The following TTLL8 variants were observed in gnomAD, a reference collection of about 807,000 sequenced individuals.
TTLL8 encodes the protein protein monoglycylase TTLL8.
A neutral mutation model predicts 77.8 loss-of-function variants in TTLL8; 65 were observed. The ratio of observed to expected loss-of-function variants is 0.84; its 90% CI spans 0.68 to 1.03. The LOEUF (loss-of-function observed/expected upper bound fraction) is 1.03. TTLL8 is among the 50% of genes least tolerant of loss of function. The probability of loss-of-function intolerance (pLI) is 0.00; values close to 1 mark genes in which losing one functional copy is unlikely to be tolerated. For synonymous variants in TTLL8, 402 were observed against 422.8 expected (o/e 0.95, Z 0.60); for missense variants, 910 against 1,004.5 (o/e 0.91, Z 1.27).
rs1452471993 is a variant in TTLL8, at chr22:50,034,543, G to A, written c.922-81C>T. On this transcript the variant is annotated intron_variant, in intron 8 of 13. Coordinates refer to ENST00000266182, the Ensembl canonical transcript of TTLL8. This position sits in a 1 kb window ranked among gnomAD's most constrained non-coding sequence, Gnocchi z 4.1. ...ATCCAGAAAGTGCATGAGACTTGGA[G>A]GCCTGGGCCCCGCCTCACCCACCAA... The A allele has an allele frequency of 2.3e-6, 3 of 1,282,788 alleles. No homozygotes were observed. The highest frequency in any genetic ancestry group is 5.3e-5 in the East Asian group (1 of 18,852). 79.5% of individuals were successfully genotyped at this position (1,282,788 alleles called of 1,614,324 possible).
intron 11 of TTLL8, among the ~76,000 whole-genome samples, chr22:50,031,270 G>T (rs1292564828): frequency 4.6e-5 from 7 of 152,226 alleles, no homozygotes; most frequent in Admixed American, 6.5e-5. Flanking sequence ...AGGGAGGCCC[G>T]CGAAAGATCC....
chr22:50,056,693 C>T (rs1309399789), upstream of TTLL8: 1 of 948,214 alleles, frequency 1.1e-6, no homozygotes, highest in African/African-American at 1.8e-5. This position sits in a 1 kb window ranked among gnomAD's most constrained non-coding sequence, Gnocchi z 4.1. Context: ...CGCCCCCCAA[C>T]ACCCCTGGGG....
chr22:50,045,339 G>T, exon 6 of TTLL8: 1 of 1,365,958 alleles, frequency 7.3e-7, no homozygotes, highest in Non-Finnish European at 9.8e-7. Context: ...CAGCTCTGGT[G>T]GCTGACCACC....
chr22:50,034,613 A>G lies in TTLL8; in HGVS notation c.922-151T>C, dbSNP rs1324458362. 7 of 774,754 alleles carry G rather than the reference A, an allele frequency of 9.0e-6. No individual in the cohort carries two copies. The African/African-American group carries it at 1.3e-4, about 14-fold the overall frequency. The allele number at this position is 774,754 out of a possible 1,614,324, so 48.0% of individuals were successfully genotyped here. ...ATGGTCTGGGGCTGGCCTGGCGGGA[A>G]AGGGCTGCGGGTCGGCCCAGGAAGT... On this transcript the variant is annotated intron_variant, in intron 8 of 13. Coordinates refer to ENST00000266182, the Ensembl canonical transcript of TTLL8. This position sits in a 1 kb window ranked among gnomAD's most constrained non-coding sequence, Gnocchi z 4.1.
In TTLL8 at chr22:50,049,183, G is replaced by A. The variant is rs964005337; in HGVS notation, c.264+66C>T. 3 of 1,364,042 alleles carry A rather than the reference G, an allele frequency of 2.2e-6. No homozygotes were observed. In the African/African-American group the frequency reaches 4.4e-5, roughly 20 times the overall value. The allele number at this position is 1,364,042 out of a possible 1,614,324, so 84.5% of individuals were successfully genotyped here. A position where few individuals can be genotyped will look rare whatever the true frequency, so the allele number is the denominator to read the frequency against. On this transcript the variant is annotated intron_variant, in intron 3 of 13. Transcript: ENST00000266182. ...CAGGACATGGGAGAGTGGGCACGGA[G>A]CAGGGCGACGGTGTGAGAAGCTTTG...
At chr22:50,030,130 CCACACCCCAG>C in intron 12 of TTLL8, 1 of 972,452 alleles carries the variant, frequency 1.0e-6, no homozygotes, top group Non-Finnish European at 1.2e-6. Context: ...CCGACCCGCG[CCACACCCCAG>C]AGGTATGGGG....
exon 12 of TTLL8, chr22:50,030,548 G>C (rs201070847): frequency 3.8e-6 from 5 of 1,319,934 alleles, no homozygotes; most frequent in African/African-American, 1.5e-5. Flanking sequence ...GCTGGGCTAC[G>C]GGGACACCGG....
At chr22:50,057,157 A>C (rs1479067116), upstream of TTLL8, among the ~76,000 whole-genome samples, 1 of 77,330 alleles carries the variant, frequency 1.3e-5, no homozygotes, top group Non-Finnish European at 2.5e-5. Context: ...AGTTGGGGTC[A>C]GGTCTGGGGA....
intron 12 of TTLL8, among the ~76,000 whole-genome samples, chr22:50,024,304 T>C (rs1347121618): frequency 2.0e-5 from 3 of 150,756 alleles, no homozygotes; most frequent in East Asian, 2.0e-4. Flanking sequence ...GCCTGGCTAT[T>C]TTTTTTTTAG....
rs1171063067 is a variant in TTLL8 at position 50,044,810 on chromosome 22, T to C, written c.643+445A>G. ...CCAACAACCACAAAAAAGATTTGGG[T>C]TTTGTCCAAAAACACGACGGCTGGT... On this transcript the variant is annotated intron_variant, in intron 6 of 13. Transcript: ENST00000266182. The surrounding 1 kb of genome is among the most constrained non-coding windows in gnomAD (Gnocchi z 4.2). Among the ~76,000 whole-genome samples the C allele has an allele frequency of 6.6e-6, 1 of 152,012 alleles. No homozygotes were observed. The highest frequency in any genetic ancestry group is 2.4e-5 in the African/African-American group (1 of 41,374).
rs1410333456 is a variant in TTLL8 at position 50,021,551 on chromosome 22, C to G, written c.2204-4989G>C. Among the ~76,000 whole-genome samples, 153 of 136,650 alleles carry G rather than the reference C, an allele frequency of 1.1e-3. 2 individuals are homozygous for G. The Middle Eastern group carries it at 0.015, about 14-fold the overall frequency. The allele number at this position is 136,650 out of a possible 152,430, so 89.6% of individuals were successfully genotyped here. A position where few individuals can be genotyped will look rare whatever the true frequency, so the allele number is the denominator to read the frequency against. ...CGTGCACTCCTCCATCTGATGTGCA[C>G]TCCTCCATCTGATGATGTGTACTCC... On this transcript the variant is annotated intron_variant, in intron 12 of 13. Coordinates refer to ENST00000266182, the Ensembl canonical transcript of TTLL8.
chr22:50,023,788 AG>A (rs2061217463), intron 12 of TTLL8, among the ~76,000 whole-genome samples: 1 of 152,244 alleles, frequency 6.6e-6, no homozygotes, highest in Admixed American at 6.5e-5. Flanking sequence ...TGGGAGGCCG[AG>A]GTGGGCAGAT....
At chr22:50,024,500 G>A (rs1462595581) in intron 12 of TTLL8, among the ~76,000 whole-genome samples, 2 of 152,204 alleles carry the variant, frequency 1.3e-5, no homozygotes, top group Admixed American at 1.3e-4. Context: ...AAATAATCCA[G>A]AATTCCTTCA....
In TTLL8 at chr22:50,030,952, CTGGGCTGTGGCCGGGATAGGGGGGGT is replaced by C. The variant is rs753275507; in HGVS notation, c.1708-53_1708-28del. The stretch of plus-strand genomic sequence containing the variant: ...TGTGGGGAAGGAACAGGTTGGGGTG[CTGGGCTGTGGCCGGGATAGGGGGGGT>C]CCCTGCAGGAGGGGTCTGTGCAGGA... On this transcript the variant is annotated intron_variant, in intron 11 of 13. Transcript: ENST00000266182. The C allele has an allele frequency of 2.3e-6, 3 of 1,308,460 alleles. No individual in the cohort carries two copies. In the South Asian group the frequency reaches 3.6e-5, roughly 16 times the overall value. 81.1% of individuals were successfully genotyped at this position (1,308,460 alleles called of 1,614,324 possible). A position where few individuals can be genotyped will look rare whatever the true frequency, so the allele number is the denominator to read the frequency against.
intron 10 of TTLL8, 103 bp from the exon 12 acceptor site, chr22:50,032,212 G>A: frequency 8.2e-7 from 1 of 1,218,812 alleles, no homozygotes; most frequent in East Asian, 4.8e-5. Context: ...TGGCTCTAGA[G>A]AACCCTGCCC....
At chr22:50,048,115 AGTGTGTGTGT>A (rs34500180) in intron 3 of TTLL8, among the ~76,000 whole-genome samples, 16 of 145,740 alleles carry the variant, frequency 1.1e-4, no homozygotes, top group African/African-American at 2.3e-4. Context: ...CCCCCAAAAA[AGTGTGTGTGT>A]GTGTGTGTGT....
chr22:50,044,379 C>T lies in TTLL8; in HGVS notation c.643+876G>A, dbSNP rs1474711953. 2.0e-5 allele frequency among the ~76,000 whole-genome samples: 3 copies of T among 152,072 alleles called. No homozygotes were observed. Among genetic ancestry groups the T allele is most frequent in the South Asian group, 2.1e-4 (1 of 4,808 alleles). The stretch of plus-strand genomic sequence containing the variant: ...GAGGTGGCCCAAGTGACCTGGTCTC[C>T]GACCAATGCAAACTACAACCTAACT... On this transcript the variant is annotated intron_variant, in intron 6 of 13. Coordinates refer to ENST00000266182, the Ensembl canonical transcript of TTLL8. The surrounding 1 kb of genome is among the most constrained non-coding windows in gnomAD (Gnocchi z 4.2).
At chr22:50,029,759 G>C (rs1034003138) in intron 12 of TTLL8, among the ~76,000 whole-genome samples, 1 of 151,348 alleles carries the variant, frequency 6.6e-6, no homozygotes, top group East Asian at 2.0e-4. Flanking sequence ...AGACCCTCTC[G>C]TCATGCTGCC....
At chr22:50,035,996 C>G (rs187073152) in intron 8 of TTLL8, among the ~76,000 whole-genome samples, 4 of 152,356 alleles carry the variant, frequency 2.6e-5, no homozygotes, top group Admixed American at 2.0e-4. Context: ...TGCTCAGGAG[C>G]CCAGCGGAGC....
Sources: gnomAD v4.1 joint callset for allele counts (sites outside exome capture counted in the v4.1 genomes callset) on GRCh38, gnomAD v4.1.1 for gene constraint, Gnocchi (gnomAD v3.1) non-coding constraint, MANE v1.5 for transcripts, NCBI Gene and HGNC (gene_info 2026-07-23, HGNC 2026-07-21) for gene names.